GNAQ: variants seen among roughly 807,000 people sequenced by gnomAD.
GNAQ encodes the protein guanine nucleotide-binding protein G(q) subunit alpha.
GNAQ carries 8 observed loss-of-function variants against 43.9 expected under a neutral mutation model. That is an observed-to-expected ratio of 0.18 (90% confidence interval 0.11 to 0.33). The LOEUF is 0.33. Among genes scored for constraint, GNAQ ranks in the 10% least tolerant of loss-of-function variants. The probability of loss-of-function intolerance (pLI) is 1.00; values close to 1 mark genes in which losing one functional copy is unlikely to be tolerated. For missense variants in GNAQ, 158 were observed against 450.8 expected (o/e 0.35, Z 5.88); for synonymous variants, 155 against 170.7 (o/e 0.91, Z 0.71).
At chr9:77,771,477 C>G (rs940979784) in intron 5 of GNAQ, among the ~76,000 whole-genome samples, 1 of 152,160 alleles carries the variant, frequency 6.6e-6, no homozygotes, top group African/African-American at 2.4e-5. Context: ...CTAAATTTAA[C>G]AGAAAATGAG....
chr9:77,822,160 G>T (rs970857494), intron 2 of GNAQ, among the ~76,000 whole-genome samples: 3 of 152,094 alleles, frequency 2.0e-5, no homozygotes, highest in Admixed American at 1.3e-4. Flanking sequence ...GGATATTATT[G>T]AATTTTCCAA....
chr9:77,982,851 C>T (rs1158129105), intron 1 of GNAQ, among the ~76,000 whole-genome samples: 6 of 142,696 alleles, frequency 4.2e-5, no homozygotes, highest in Admixed American at 6.9e-5. Flanking sequence ...ATGTAAATGA[C>T]GAGTTAATGG....
In GNAQ at chr9:77,794,444, C is replaced by T. The variant is rs1188478402; in HGVS notation, c.735+19G>A. Reference sequence around the variant, plus strand: ...AGATAATAAAATGATAATCCATTGCCTGTCTAAAGAACACTTACCTCATTG... The same window carrying T: ...AGATAATAAAATGATAATCCATTGCTTGTCTAAAGAACACTTACCTCATTG... On this transcript the variant is annotated intron_variant, in intron 5 of 6. Transcript: ENST00000286548. 3 of 1,541,262 alleles carry T rather than the reference C, an allele frequency of 1.9e-6. No homozygotes were observed. The highest frequency in any genetic ancestry group is 8.9e-7 in the Non-Finnish European group (1 of 1,128,382).
chr9:77,925,023 T>C (rs145116676), intron 1 of GNAQ, among the ~76,000 whole-genome samples: 1 of 152,176 alleles, frequency 6.6e-6, no homozygotes, highest in African/African-American at 2.4e-5. Context: ...TGTGCTATGT[T>C]GCCTTCAAAA....
chr9:77,995,078 A>C (rs1202154167), intron 1 of GNAQ, among the ~76,000 whole-genome samples: 1 of 152,220 alleles, frequency 6.6e-6, no homozygotes, highest in African/African-American at 2.4e-5. Flanking sequence ...ACAGTGTTCT[A>C]AAATCGAAGT....
At chr9:77,832,102 G>A (rs201541230) in intron 2 of GNAQ, among the ~76,000 whole-genome samples, 2 of 127,656 alleles carry the variant, frequency 1.6e-5, no homozygotes, top group Admixed American at 1.6e-4. Flanking sequence ...TTTTTTTTTG[G>A]CTTTTCCAAC....
chr9:78,008,458 A>G (rs1823732360), intron 1 of GNAQ, among the ~76,000 whole-genome samples: 1 of 151,384 alleles, frequency 6.6e-6, no homozygotes. Flanking sequence ...TTTACTATCA[A>G]CTCCTCCCCT....
intron 2 of GNAQ, among the ~76,000 whole-genome samples, chr9:77,875,125 A>G (rs768508759): frequency 6.6e-6 from 1 of 152,178 alleles, no homozygotes; most frequent in Non-Finnish European, 1.5e-5. Context: ...AGAATGTAAG[A>G]GATGACTTCA....
chr9:77,896,496 C>T (rs1326955944), intron 2 of GNAQ, among the ~76,000 whole-genome samples: 2 of 152,166 alleles, frequency 1.3e-5, no homozygotes, highest in African/African-American at 4.8e-5. Flanking sequence ...CTTTAATATG[C>T]AGCAATAAAA....
chr9:77,883,654 C>A (rs1828254568), intron 2 of GNAQ, among the ~76,000 whole-genome samples: 1 of 150,970 alleles, frequency 6.6e-6, no homozygotes, highest in South Asian at 2.1e-4. Context: ...CCCCCACTCT[C>A]CTCGCTTTTG....
At chr9:77,734,774 A>G (rs1016479808) in intron 5 of GNAQ, among the ~76,000 whole-genome samples, 3 of 152,216 alleles carry the variant, frequency 2.0e-5, no homozygotes, top group African/African-American at 7.2e-5. Context: ...TCTGCTAAAA[A>G]AGAAGGCCAG....
intron 2 of GNAQ, among the ~76,000 whole-genome samples, chr9:77,921,420 C>A (rs1348697896): frequency 6.6e-6 from 1 of 152,204 alleles, no homozygotes; most frequent in East Asian, 1.9e-4. Context: ...TTTGGTATTA[C>A]ATCTCTTTAA....
chr9:77,803,117 T>C (rs1826772484), intron 3 of GNAQ, among the ~76,000 whole-genome samples: 1 of 152,024 alleles, frequency 6.6e-6, no homozygotes, highest in African/African-American at 2.4e-5. Context: ...TTATGGGAAG[T>C]GCTGTAGTGG....
At chr9:77,874,639 T>C (rs2118041229) in intron 2 of GNAQ, among the ~76,000 whole-genome samples, 1 of 152,198 alleles carries the variant, frequency 6.6e-6, no homozygotes, top group East Asian at 1.9e-4. Context: ...TTTTTTCTTT[T>C]TCTGAGACAC....
At chr9:77,905,432 C>T (rs1480293045) in intron 2 of GNAQ, among the ~76,000 whole-genome samples, 2 of 152,126 alleles carry the variant, frequency 1.3e-5, no homozygotes, top group African/African-American at 4.8e-5. Flanking sequence ...TTAAGCCCCC[C>T]AGGTGATTCC....
chr9:77,953,183 TG>T (rs35241302), intron 1 of GNAQ, among the ~76,000 whole-genome samples: 1 of 152,200 alleles, frequency 6.6e-6, no homozygotes, highest in Non-Finnish European at 1.5e-5. Flanking sequence ...GCTGCTGGTC[TG>T]GGAGTTACAC....
chr9:77,861,605 G>T (rs1827852802), intron 2 of GNAQ, among the ~76,000 whole-genome samples: 1 of 152,060 alleles, frequency 6.6e-6, no homozygotes, highest in Non-Finnish European at 1.5e-5. Context: ...AAAACAAAGG[G>T]CTACAGGCCC....
At chr9:77,869,495 G>T (rs898016704) in intron 2 of GNAQ, among the ~76,000 whole-genome samples, 1 of 152,120 alleles carries the variant, frequency 6.6e-6, no homozygotes, top group Non-Finnish European at 1.5e-5. Flanking sequence ...TCCTTCTTGG[G>T]ATAATTTAGT....
chr9:77,825,225 T>C (rs993358385), intron 2 of GNAQ, among the ~76,000 whole-genome samples: 2 of 152,244 alleles, frequency 1.3e-5, no homozygotes, highest in Admixed American at 1.3e-4. Context: ...AAACTTATTA[T>C]GGCCAAAAAG....
Sources: allele counts gnomAD v4.1 joint callset (sites outside exome capture counted in the v4.1 genomes callset), GRCh38; gene constraint gnomAD v4.1.1; transcripts MANE v1.5; gene names NCBI Gene and HGNC (gene_info 2026-07-23, HGNC 2026-07-21).